BTBD9: variants seen among roughly 807,000 people sequenced by gnomAD.
The protein encoded by BTBD9 is BTB/POZ domain-containing protein 9.
Under a neutral mutation model 64.3 loss-of-function variants are expected in BTBD9, and 49 were observed. The observed-to-expected ratio is 0.76, with a 90% CI of 0.61 to 0.97. The LOEUF is 0.97. Among genes scored for constraint, BTBD9 ranks in the 50% least tolerant of loss-of-function variants. The pLI is 0.00. For synonymous variants in BTBD9, 260 were observed against 274.7 expected (o/e 0.95, Z 0.53); for missense variants, 598 against 762.1 (o/e 0.78, Z 2.53).
intron 10 of BTBD9, among the ~76,000 whole-genome samples, chr6:38,191,104 A>C (rs9470822): frequency 0.6 from 91,071 of 152,052 alleles, 28,177 homozygotes; most frequent in African/African-American, 0.65. Flanking sequence ...CTTTAGAAAA[A>C]ATCGGTTGGT....
intron 7 of BTBD9, among the ~76,000 whole-genome samples, chr6:38,318,963 C>T (rs1044458137): frequency 2.6e-5 from 4 of 152,242 alleles, no homozygotes; most frequent in South Asian, 2.1e-4. Flanking sequence ...ACTGCGACTA[C>T]GCTGGCAGTG....
intron 6 of BTBD9, among the ~76,000 whole-genome samples, chr6:38,436,877 GGAA>G (rs1768766620): frequency 6.6e-6 from 1 of 152,212 alleles, no homozygotes; most frequent in Admixed American, 6.5e-5. Context: ...TCTGTAAACA[GGAA>G]GTGCTATAAA....
At chr6:38,516,264 T>C (rs1032873915) in intron 6 of BTBD9, among the ~76,000 whole-genome samples, 1 of 151,640 alleles carries the variant, frequency 6.6e-6, no homozygotes, top group African/African-American at 2.4e-5. Context: ...ATGAAATAAA[T>C]AAGTCAGCCA....
intron 6 of BTBD9, among the ~76,000 whole-genome samples, chr6:38,418,637 A>G (rs1767776465): frequency 6.6e-6 from 1 of 152,122 alleles, no homozygotes; most frequent in South Asian, 2.1e-4. Flanking sequence ...TTTTCAAAAC[A>G]TTTTTTCCCC....
chr6:38,449,893 C>G (rs1769442716), intron 6 of BTBD9, among the ~76,000 whole-genome samples: 1 of 152,088 alleles, frequency 6.6e-6, no homozygotes, highest in African/African-American at 2.4e-5. Context: ...GGTATGGCCT[C>G]AAAAGCATAG....
chr6:38,508,232 C>T (rs891741654), intron 6 of BTBD9, among the ~76,000 whole-genome samples: 1 of 152,050 alleles, frequency 6.6e-6, no homozygotes, highest in African/African-American at 2.4e-5. Flanking sequence ...TTTGCCACTA[C>T]CAACTCAATA....
intron 6 of BTBD9, among the ~76,000 whole-genome samples, chr6:38,420,534 G>A (rs1170898826): frequency 1.3e-5 from 2 of 152,106 alleles, no homozygotes; most frequent in Admixed American, 1.3e-4. Context: ...TACCTGTGAT[G>A]GCTACACAGA....
chr6:38,450,143 A>G (rs1041838504), intron 6 of BTBD9, among the ~76,000 whole-genome samples: 1 of 152,240 alleles, frequency 6.6e-6, no homozygotes, highest in African/African-American at 2.4e-5. Flanking sequence ...ACATTAAGTT[A>G]AATGAAATAA....
chr6:38,250,593 T>A (rs1344286920), intron 9 of BTBD9, among the ~76,000 whole-genome samples: 1 of 152,194 alleles, frequency 6.6e-6, no homozygotes. Flanking sequence ...AATTTATAGT[T>A]AACATATAGA....
chr6:38,417,574 T>C (rs1767722180), intron 6 of BTBD9, among the ~76,000 whole-genome samples: 1 of 152,018 alleles, frequency 6.6e-6, no homozygotes, highest in African/African-American at 2.4e-5. Flanking sequence ...GCGACTTTGA[T>C]ACTAGCCTGG....
chr6:38,393,755 T>G (rs1358167187), intron 6 of BTBD9, among the ~76,000 whole-genome samples: 1 of 152,184 alleles, frequency 6.6e-6, no homozygotes, highest in Non-Finnish European at 1.5e-5. Context: ...TCTGCAATAT[T>G]TGACAATAAA....
intron 9 of BTBD9, among the ~76,000 whole-genome samples, chr6:38,217,444 A>T (rs1323890978): frequency 1.3e-5 from 2 of 152,002 alleles, no homozygotes; most frequent in African/African-American, 4.8e-5. Flanking sequence ...GAAAGTAAGG[A>T]AGACTTAGGA....
At chr6:38,496,589 C>T (rs967254452) in intron 6 of BTBD9, among the ~76,000 whole-genome samples, 3 of 150,268 alleles carry the variant, frequency 2.0e-5, no homozygotes, top group Admixed American at 2.0e-4. Context: ...GTTGAGGCTG[C>T]AGCAGGACAT....
intron 4 of BTBD9, among the ~76,000 whole-genome samples, chr6:38,584,010 G>GA (rs917049098): frequency 9.5e-5 from 14 of 147,996 alleles, no homozygotes; most frequent in South Asian, 2.1e-4. Flanking sequence ...TATCAGTAGA[G>GA]AAAAAAAAAA....
chr6:38,219,412 G>A (rs1460594471), intron 9 of BTBD9, among the ~76,000 whole-genome samples: 1 of 151,770 alleles, frequency 6.6e-6, no homozygotes, highest in Admixed American at 6.6e-5. Flanking sequence ...AAAGTGCTGG[G>A]ATTACAGTTG....
intron 9 of BTBD9, among the ~76,000 whole-genome samples, chr6:38,248,340 T>C (rs1764279761): frequency 6.6e-6 from 1 of 152,186 alleles, no homozygotes; most frequent in South Asian, 2.1e-4. Context: ...ACTACAGAAT[T>C]CTCAAGTGGA....
chr6:38,533,261 CTATACT>C (rs1295955017), intron 6 of BTBD9, among the ~76,000 whole-genome samples: 3 of 152,018 alleles, frequency 2.0e-5, no homozygotes, highest in African/African-American at 7.2e-5. Context: ...ACAGGAGTAG[CTATACT>C]TATATCAGAC....
intron 1 of BTBD9, chr6:38,612,929 C>T (rs1777659717): frequency 6.6e-6 from 1 of 152,178 alleles, no homozygotes; most frequent in South Asian, 2.1e-4. Flanking sequence ...GTCTAATTTC[C>T]ATCAACTCTC....
At chr6:38,202,610 C>T (rs1230721967) in intron 9 of BTBD9, among the ~76,000 whole-genome samples, 3 of 152,114 alleles carry the variant, frequency 2.0e-5, no homozygotes, top group Non-Finnish European at 2.9e-5. Context: ...AATAAATCCA[C>T]ATATCTACAG....
Sources: gnomAD v4.1 joint callset for allele counts (sites outside exome capture counted in the v4.1 genomes callset) on GRCh38, gnomAD v4.1.1 for gene constraint, MANE v1.5 for transcripts, NCBI Gene and HGNC (gene_info 2026-07-23, HGNC 2026-07-21) for gene names.